DACH1: variants seen among roughly 807,000 people sequenced by gnomAD.
The protein encoded by DACH1 is dachshund family transcription factor 1.
A neutral mutation model predicts 54.2 loss-of-function variants in DACH1; 12 were observed. The ratio of observed to expected loss-of-function variants is 0.22; its 90% CI spans 0.14 to 0.36. DACH1 has a LOEUF of 0.36. Ranked by LOEUF, DACH1 falls within the 10% of genes least tolerant of loss-of-function variation. The pLI, the probability that DACH1 is intolerant of heterozygous loss-of-function variation, is 1.00. For missense variants in DACH1, 805 were observed against 929.8 expected (o/e 0.87, Z 1.75); for synonymous variants, 386 against 366.2 (o/e 1.05, Z -0.62).
intron 1 of DACH1, among the ~76,000 whole-genome samples, chr13:71,700,213 G>A (rs918001271): frequency 1.3e-5 from 2 of 152,040 alleles, no homozygotes; most frequent in Admixed American, 6.6e-5. Context: ...ATAAGAAAAG[G>A]CAAAGAAAAA....
chr13:71,649,441 C>A (rs945041430), intron 2 of DACH1, among the ~76,000 whole-genome samples: 2 of 151,998 alleles, frequency 1.3e-5, no homozygotes, highest in Non-Finnish European at 2.9e-5. Flanking sequence ...ACTTAACTGC[C>A]CTGTAAATGG....
At chr13:71,831,423 A>T (rs1403278556) in intron 1 of DACH1, among the ~76,000 whole-genome samples, 1 of 151,934 alleles carries the variant, frequency 6.6e-6, no homozygotes, top group East Asian at 1.9e-4. Flanking sequence ...AAAATCTGCT[A>T]GTGATGTTTT....
In DACH1 at chr13:71,438,416, C is replaced by T. The variant is rs534550368; in HGVS notation, c.*2239G>A. 6.6e-6 allele frequency: 1 copy of T among 152,502 alleles called. No individual in the cohort carries two copies. The highest frequency in any genetic ancestry group is 1.5e-5 in the Non-Finnish European group (1 of 67,850). 9.4% of individuals were successfully genotyped at this position (152,502 alleles called of 1,614,324 possible). A position where few individuals can be genotyped will look rare whatever the true frequency, so the allele number is the denominator to read the frequency against. ...CTAAAACAGGGAAAAAATTAAGTTA[C>T]AGACTTACAATAACATTTCATGAAT... On this transcript the variant is annotated 3_prime_UTR_variant, in exon 11 of 11. Transcript: ENST00000613252.
At chr13:71,751,597 G>C (rs1884930084) in intron 1 of DACH1, among the ~76,000 whole-genome samples, 1 of 152,152 alleles carries the variant, frequency 6.6e-6, no homozygotes, top group African/African-American at 2.4e-5. Context: ...AGCATGTCCT[G>C]ATGTAAGATG....
At chr13:71,819,897 A>C (rs1888118476) in intron 1 of DACH1, among the ~76,000 whole-genome samples, 1 of 152,026 alleles carries the variant, frequency 6.6e-6, no homozygotes, top group South Asian at 2.1e-4. Context: ...GACAAAGGGT[A>C]CTCGGGGGAG....
intron 3 of DACH1, among the ~76,000 whole-genome samples, chr13:71,601,284 G>T (rs973984582): frequency 3.3e-5 from 5 of 151,986 alleles, no homozygotes; most frequent in Admixed American, 6.6e-5. Flanking sequence ...GATATTATCA[G>T]TGGGATTAAT....
chr13:71,559,690 T>A, intron 5 of DACH1, 130 bp downstream of exon 5: 1 of 1,140,864 alleles, frequency 8.8e-7, no homozygotes, highest in Non-Finnish European at 1.3e-6. Flanking sequence ...TTTTGAGAGA[T>A]GGCTATTGCT....
intron 6 of DACH1, among the ~76,000 whole-genome samples, chr13:71,546,421 A>G (rs1173104007): frequency 2.0e-5 from 3 of 152,018 alleles, no homozygotes; most frequent in African/African-American, 7.2e-5. Flanking sequence ...TCCTCCTGAA[A>G]TATACCAATA....
intron 1 of DACH1, among the ~76,000 whole-genome samples, chr13:71,813,964 G>A (rs1157880464): frequency 6.6e-6 from 1 of 152,132 alleles, no homozygotes; most frequent in African/African-American, 2.4e-5. Flanking sequence ...GCCAAGGAGT[G>A]TCTCCACAGT....
intron 1 of DACH1, among the ~76,000 whole-genome samples, chr13:71,759,976 A>G (rs1402476089): frequency 6.6e-6 from 1 of 152,234 alleles, no homozygotes; most frequent in Non-Finnish European, 1.5e-5. Context: ...AGTTCAGGAT[A>G]GTCCCTCAAA....
intron 2 of DACH1, among the ~76,000 whole-genome samples, chr13:71,676,790 A>G (rs1359531664): frequency 6.6e-6 from 1 of 152,146 alleles, no homozygotes; most frequent in Non-Finnish European, 1.5e-5. Context: ...AAAACGATAA[A>G]TTTGCAAGTT....
intron 10 of DACH1, among the ~76,000 whole-genome samples, chr13:71,471,911 TA>T (rs1877117987): frequency 6.6e-6 from 1 of 152,200 alleles, no homozygotes; most frequent in Admixed American, 6.5e-5. Flanking sequence ...TATATATGTG[TA>T]GGGGCCAGAG....
chr13:71,592,564 T>C (rs1011892798), intron 3 of DACH1, among the ~76,000 whole-genome samples: 8 of 144,374 alleles, frequency 5.5e-5, no homozygotes, highest in Admixed American at 4.8e-4. Context: ...GAATTTACCA[T>C]GCCAATTTGG....
intron 1 of DACH1, among the ~76,000 whole-genome samples, chr13:71,857,293 T>A (rs536343701): frequency 1.3e-5 from 2 of 151,844 alleles, no homozygotes; most frequent in South Asian, 4.1e-4. Flanking sequence ...TCTTTAACTC[T>A]AAAATTAATT....
intron 2 of DACH1, among the ~76,000 whole-genome samples, chr13:71,678,561 G>A (rs1203990314): frequency 1.3e-5 from 2 of 152,128 alleles, no homozygotes; most frequent in South Asian, 2.1e-4. Context: ...GTTTGCTGAG[G>A]TCTACAGGGC....
intron 7 of DACH1, among the ~76,000 whole-genome samples, chr13:71,480,119 T>C (rs1877903761): frequency 2.0e-5 from 3 of 152,246 alleles, no homozygotes; most frequent in Admixed American, 1.3e-4. Flanking sequence ...TTCAGGACTA[T>C]GCCCCCAGGG....
intron 4 of DACH1, among the ~76,000 whole-genome samples, chr13:71,566,716 T>C (rs1053958712): frequency 2.6e-5 from 4 of 152,110 alleles, no homozygotes; most frequent in Non-Finnish European, 5.9e-5. Flanking sequence ...TAATACTTTC[T>C]TTTTTAGGTT....
At chr13:71,658,170 G>A (rs2138644500) in intron 2 of DACH1, among the ~76,000 whole-genome samples, 1 of 152,060 alleles carries the variant, frequency 6.6e-6, no homozygotes, top group African/African-American at 2.4e-5. Context: ...CCCCTATCAA[G>A]GTAATAAAAC....
chr13:71,636,223 G>A (rs369042436), intron 2 of DACH1, among the ~76,000 whole-genome samples: 1 of 151,966 alleles, frequency 6.6e-6, no homozygotes, highest in Non-Finnish European at 1.5e-5. Context: ...AGGAATCTGT[G>A]GTTTTGCATA....
Sources: allele counts gnomAD v4.1 joint callset (sites outside exome capture counted in the v4.1 genomes callset), GRCh38; gene constraint gnomAD v4.1.1; transcripts MANE v1.5; gene names NCBI Gene and HGNC (gene_info 2026-07-23, HGNC 2026-07-21).